The following OR9Q1 variants were observed in gnomAD, a reference collection of about 807,000 sequenced individuals.
The protein encoded by OR9Q1 is olfactory receptor family 9 subfamily Q member 1, also known as olfactory receptor 9Q1.
For missense variants in OR9Q1, 374 were observed against 378.8 expected, an observed-to-expected ratio of 0.99 and a Z score of 0.11; for synonymous variants, 153 against 148.6, an observed-to-expected ratio of 1.03 and a Z score of -0.22.
chr11:58,037,693 T>G (rs375592246), intron 1 of OR9Q1, among the ~76,000 whole-genome samples: 1 of 6,874 alleles, frequency 1.5e-4, no homozygotes, highest in Non-Finnish European at 2.6e-4. Context: ...ATATATATTT[T>G]TTTTTTTTTT....
At chr11:58,126,838 G>C (rs1259675150) in intron 2 of OR9Q1, among the ~76,000 whole-genome samples, 2 of 152,156 alleles carry the variant, frequency 1.3e-5, no homozygotes, top group African/African-American at 4.8e-5. Context: ...GGAACTTGTA[G>C]AATGGGGTGA....
At chr11:58,119,842 T>G (rs1171927065) in intron 2 of OR9Q1, among the ~76,000 whole-genome samples, 1 of 152,200 alleles carries the variant, frequency 6.6e-6, no homozygotes, top group African/African-American at 2.4e-5. Flanking sequence ...CAGTTCCACC[T>G]GTTGATTCTC....
intron 2 of OR9Q1, among the ~76,000 whole-genome samples, chr11:58,135,806 C>T (rs2119853889): frequency 6.6e-6 from 1 of 152,298 alleles, no homozygotes; most frequent in South Asian, 2.1e-4. Context: ...TATAAATATT[C>T]TTCAGATCCA....
chr11:58,150,311 T>C (rs1022983436), intron 2 of OR9Q1, among the ~76,000 whole-genome samples: 1 of 152,196 alleles, frequency 6.6e-6, no homozygotes, highest in African/African-American at 2.4e-5. Context: ...TTGGGTTGTT[T>C]GGGCCTGGTG....
chr11:58,137,989 T>C (rs11229262), intron 2 of OR9Q1, among the ~76,000 whole-genome samples: 11,024 of 152,188 alleles, frequency 0.072, 670 homozygotes, highest in African/African-American at 0.16. Flanking sequence ...GGTCTGTTAG[T>C]GCTGTCTTTT....
chr11:58,029,544 A>C (rs1853008976), intron 1 of OR9Q1, among the ~76,000 whole-genome samples: 1 of 152,224 alleles, frequency 6.6e-6, no homozygotes, highest in African/African-American at 2.4e-5. Flanking sequence ...ACTGGCACAA[A>C]AATGGAGATA....
At chr11:58,030,885 C>T in intron 1 of OR9Q1, 1 of 963,062 alleles carries the variant, frequency 1.0e-6, no homozygotes, top group Non-Finnish European at 1.6e-6. Flanking sequence ...ATCCTCCAAC[C>T]TCACAGGTTC....
chr11:58,164,198 G>GAA (rs1247765683), intron 2 of OR9Q1, among the ~76,000 whole-genome samples: 2 of 152,038 alleles, frequency 1.3e-5, no homozygotes, highest in African/African-American at 4.8e-5. Flanking sequence ...GGAAAGAGGA[G>GAA]GAGAAGAGAA....
At chr11:58,040,233 T>C (rs1853147608) in intron 1 of OR9Q1, among the ~76,000 whole-genome samples, 1 of 152,194 alleles carries the variant, frequency 6.6e-6, no homozygotes. Context: ...TGGGTGACTT[T>C]AAATATCTAC....
intron 2 of OR9Q1, among the ~76,000 whole-genome samples, chr11:58,129,140 T>C (rs1478446007): frequency 2.6e-5 from 4 of 152,086 alleles, no homozygotes; most frequent in East Asian, 1.9e-4. Context: ...GGAACCCAGG[T>C]GGATCCACCA....
intron 1 of OR9Q1, among the ~76,000 whole-genome samples, chr11:58,035,673 C>G (rs1038841949): frequency 1.8e-4 from 28 of 152,122 alleles, no homozygotes; most frequent in African/African-American, 6.8e-4. Flanking sequence ...CAATATGGTG[C>G]CCCTCATTGT....
intron 2 of OR9Q1, among the ~76,000 whole-genome samples, chr11:58,086,704 G>T (rs1247065663): frequency 6.6e-6 from 1 of 151,756 alleles, no homozygotes; most frequent in Non-Finnish European, 1.5e-5. Flanking sequence ...TAAAATTTGT[G>T]ACGACATGAG....
chr11:58,037,300 C>G (rs1010387737), intron 1 of OR9Q1, among the ~76,000 whole-genome samples: 1 of 152,084 alleles, frequency 6.6e-6, no homozygotes, highest in Non-Finnish European at 1.5e-5. Context: ...ATAGTGTAAA[C>G]ATACTTTTGT....
chr11:58,036,267 C>T (rs574709246), intron 1 of OR9Q1, among the ~76,000 whole-genome samples: 13 of 152,316 alleles, frequency 8.5e-5, no homozygotes, highest in African/African-American at 2.9e-4. Flanking sequence ...GCATGGTTTA[C>T]TGAATATTTT....
intron 2 of OR9Q1, among the ~76,000 whole-genome samples, chr11:58,100,983 G>A (rs1001468413): frequency 1.3e-5 from 2 of 152,112 alleles, no homozygotes; most frequent in Non-Finnish European, 2.9e-5. Context: ...TGGAGGTAGT[G>A]AGTTGAATGG....
At chr11:58,108,776 C>T (rs534105470) in intron 2 of OR9Q1, 1 of 211,110 alleles carries the variant, frequency 4.7e-6, no homozygotes, top group South Asian at 8.1e-5. Context: ...GCTTTTACAT[C>T]TTTGTTCCTC....
rs1235043850 is a variant in OR9Q1 at position 58,055,857 on chromosome 11, C to T, written c.-92-13C>T. ...ACTTAGGCCCCTTTTGCCCTTCTAC[C>T]TTCTATCTTCAGCCATGTAAGCACC... On this transcript the variant is annotated splice_polypyrimidine_tract_variant and intron_variant, in intron 1 of 2. Coordinates refer to ENST00000335397, the MANE Select transcript of OR9Q1 (RefSeq NM_001005212.4). The T allele has an allele frequency of 6.7e-6, 1 of 149,692 alleles. No individual in the cohort carries two copies. Among genetic ancestry groups the T allele is most frequent in the Non-Finnish European group, 1.5e-5 (1 of 67,604 alleles). 9.3% of individuals were successfully genotyped at this position (149,692 alleles called of 1,614,324 possible). A position where few individuals can be genotyped will look rare whatever the true frequency, so the allele number is the denominator to read the frequency against.
At chr11:58,136,396 G>A (rs138259980) in intron 2 of OR9Q1, among the ~76,000 whole-genome samples, 3 of 152,100 alleles carry the variant, frequency 2.0e-5, no homozygotes, top group African/African-American at 7.2e-5. Flanking sequence ...TTCAAAACAG[G>A]AAACTGTTGC....
chr11:58,150,694 A>G (rs977255041), intron 2 of OR9Q1, among the ~76,000 whole-genome samples: 2 of 152,236 alleles, frequency 1.3e-5, no homozygotes, highest in Non-Finnish European at 2.9e-5. Context: ...ATATAAAACT[A>G]TAGCACATAC....
Sources: gnomAD v4.1 joint callset for allele counts (sites outside exome capture counted in the v4.1 genomes callset) on GRCh38, gnomAD v4.1.1 for gene constraint, MANE v1.5 for transcripts, NCBI Gene and HGNC (gene_info 2026-07-23, HGNC 2026-07-21) for gene names.